The following PPP1R13B variants were observed in gnomAD, a reference collection of about 807,000 sequenced individuals.
PPP1R13B encodes protein phosphatase 1 regulatory subunit 13B, also known as apoptosis-stimulating of p53 protein 1.
A neutral mutation model predicts 119.8 loss-of-function variants in PPP1R13B; 44 were observed. The observed-to-expected ratio is 0.37, with a 90% CI of 0.29 to 0.47. The LOEUF (loss-of-function observed/expected upper bound fraction) is 0.47, where lower values mean the gene tolerates loss of function less well. Among genes scored for constraint, PPP1R13B ranks in the 20% least tolerant of loss-of-function variants. The pLI is 0.99. For synonymous variants in PPP1R13B, 542 were observed against 561.5 expected (o/e 0.97, Z 0.49); for missense variants, 1,227 against 1,413.5 (o/e 0.87, Z 2.12).
intron 4 of PPP1R13B, among the ~76,000 whole-genome samples, chr14:103,773,284 T>C (rs911388874): frequency 3.9e-5 from 6 of 151,998 alleles, no homozygotes; most frequent in Non-Finnish European, 5.9e-5. Flanking sequence ...GAAGGTCTAA[T>C]AAGAGTTCCA....
chr14:103,780,185 A>G (rs1253085406), intron 3 of PPP1R13B, among the ~76,000 whole-genome samples: 1 of 145,404 alleles, frequency 6.9e-6, no homozygotes, highest in African/African-American at 2.6e-5. Flanking sequence ...AAAAAATCCA[A>G]AAGGCATTTG....
At chr14:103,769,615 T>C (rs1456142739) in intron 4 of PPP1R13B, among the ~76,000 whole-genome samples, 1 of 152,198 alleles carries the variant, frequency 6.6e-6, no homozygotes, top group Non-Finnish European at 1.5e-5. Context: ...ACATCCCTAA[T>C]GCAAAACTCT....
chr14:103,848,357 G>C, upstream of PPP1R13B: 1 of 985,476 alleles, frequency 1.0e-6, no homozygotes, highest in Non-Finnish European at 1.2e-6. Context: ...TCTCCCTGCA[G>C]TCCCGTCTCC....
chr14:103,846,934 C>G (rs1039448790), intron 1 of PPP1R13B: 1 of 1,173,950 alleles, frequency 8.5e-7, no homozygotes, highest in South Asian at 1.4e-5. Context: ...CCAGGGCGAC[C>G]CCAGAACGTT....
intron 4 of PPP1R13B, among the ~76,000 whole-genome samples, chr14:103,775,339 A>T (rs1270386447): frequency 6.6e-6 from 1 of 151,710 alleles, no homozygotes; most frequent in Non-Finnish European, 1.5e-5. Context: ...CAGTGGTGCA[A>T]TCTCAGCTCA....
intron 2 of PPP1R13B, among the ~76,000 whole-genome samples, chr14:103,795,372 G>A (rs564230338): frequency 7.9e-5 from 12 of 152,286 alleles, no homozygotes; most frequent in Admixed American, 3.3e-4. Context: ...TCTAGACAAC[G>A]AAGGAGCATG....
intron 1 of PPP1R13B, among the ~76,000 whole-genome samples, chr14:103,805,027 G>C (rs897762111): frequency 3.9e-5 from 6 of 152,016 alleles, no homozygotes; most frequent in Non-Finnish European, 8.8e-5. Context: ...AGTAGAGATG[G>C]GGTTTCACCA....
Position 103,741,911 on chromosome 14 carries a change from G to C in PPP1R13B, c.1701C>G (p.Pro567=). 1 of 1,614,188 alleles carries C rather than the reference G, an allele frequency of 6.2e-7. No homozygotes were observed. The highest frequency in any genetic ancestry group is 8.5e-7 in the Non-Finnish European group (1 of 1,180,048). ...LADKGSRPQS[P]RKGPQTVNSS... ...AATTCACTGTCTGGGGTCCTTTCCT[G>C]GGAGACTGTGGCCTTGACCCTTTAT... Residue 567 remains proline (P), a synonymous_variant, in exon 11 of 17, where the codon CCC becomes CCG. Transcript: ENST00000202556.
chr14:103,735,562 G>A (rs1180514030), intron 16 of PPP1R13B, among the ~76,000 whole-genome samples: 2 of 152,186 alleles, frequency 1.3e-5, no homozygotes, highest in Non-Finnish European at 1.5e-5. Context: ...AGGGCACAAA[G>A]AGAGCAGAGG....
chr14:103,769,338 G>A (rs1186407587), intron 4 of PPP1R13B, among the ~76,000 whole-genome samples: 5 of 151,934 alleles, frequency 3.3e-5, no homozygotes, highest in African/African-American at 1.2e-4. Flanking sequence ...TGATCTGCCC[G>A]CCTCAGCCTC....
chr14:103,754,354 CA>C, intron 5 of PPP1R13B, 110 bp from the exon 6 acceptor site: 1 of 1,036,772 alleles, frequency 9.6e-7, no homozygotes, highest in East Asian at 2.6e-5. Flanking sequence ...CACCTGAGGT[CA>C]GGAGTTCGAG....
intron 11 of PPP1R13B, 128 bp downstream of exon 11, chr14:103,741,661 CT>C: frequency 8.1e-7 from 1 of 1,239,688 alleles, no homozygotes. Context: ...CAAGGCTGTA[CT>C]TTTATGTAAG....
intron 1 of PPP1R13B, among the ~76,000 whole-genome samples, chr14:103,798,399 G>A (rs1464780786): frequency 1.3e-5 from 2 of 151,986 alleles, no homozygotes; most frequent in African/African-American, 2.4e-5. Context: ...TGATCCACCC[G>A]TCTCGGCCTC....
chr14:103,806,697 C>T (rs2086025654), intron 1 of PPP1R13B, among the ~76,000 whole-genome samples: 1 of 152,184 alleles, frequency 6.6e-6, no homozygotes, highest in Non-Finnish European at 1.5e-5. Context: ...CAATTAGCCT[C>T]TCAAAGACTG....
chr14:103,830,219 C>T (rs1427406070), intron 1 of PPP1R13B, among the ~76,000 whole-genome samples: 9 of 152,072 alleles, frequency 5.9e-5, no homozygotes, highest in African/African-American at 1.7e-4. Context: ...CCTTAGCCTC[C>T]CGAGTAGCTG....
chr14:103,754,705 C>A (rs1242838402), intron 5 of PPP1R13B, among the ~76,000 whole-genome samples: 1 of 151,230 alleles, frequency 6.6e-6, no homozygotes, highest in Non-Finnish European at 1.5e-5. Flanking sequence ...CCATAAAAAA[C>A]TGAAATTACT....
At chr14:103,775,581 A>C (rs2152010580) in intron 4 of PPP1R13B, among the ~76,000 whole-genome samples, 1 of 152,318 alleles carries the variant, frequency 6.6e-6, no homozygotes, top group East Asian at 1.9e-4. Context: ...GTCCCATGGT[A>C]AATCTTAGAA....
At chr14:103,783,266 T>C (rs2085378446) in intron 3 of PPP1R13B, among the ~76,000 whole-genome samples, 1 of 152,104 alleles carries the variant, frequency 6.6e-6, no homozygotes, top group African/African-American at 2.4e-5. Flanking sequence ...GTTTTATTTA[T>C]ATGTATTTCC....
intron 9 of PPP1R13B, among the ~76,000 whole-genome samples, chr14:103,743,492 A>G (rs2084309634): frequency 6.6e-6 from 1 of 152,260 alleles, no homozygotes; most frequent in African/African-American, 2.4e-5. Context: ...AGGGTGCAGA[A>G]GTATCCCCTT....
Sources: allele counts gnomAD v4.1 joint callset (sites outside exome capture counted in the v4.1 genomes callset), GRCh38; gene constraint gnomAD v4.1.1; transcripts MANE v1.5; gene names NCBI Gene and HGNC (gene_info 2026-07-23, HGNC 2026-07-21).